Variants in SYNE2 observed in about 807,000 individuals in gnomAD.
SYNE2 encodes nesprin-2.
Under a neutral mutation model 856.3 loss-of-function variants are expected in SYNE2, and 431 were observed. That is an observed-to-expected ratio of 0.50 (90% confidence interval 0.47 to 0.55). The LOEUF (loss-of-function observed/expected upper bound fraction) is 0.55, where lower values mean the gene tolerates loss of function less well. Ranked by LOEUF, SYNE2 falls within the 20% of genes least tolerant of loss-of-function variation. The pLI is 0.00. For missense variants in SYNE2, 8,129 were observed against 8,023.2 expected, an observed-to-expected ratio of 1.01 and a Z score of -0.50; for synonymous variants, 2,923 against 2,872.3, an observed-to-expected ratio of 1.02 and a Z score of -0.56.
chr14:64,082,271 A>G (rs912922030), intron 57 of SYNE2, among the ~76,000 whole-genome samples: 1 of 152,158 alleles, frequency 6.6e-6, no homozygotes, highest in African/African-American at 2.4e-5. Flanking sequence ...TGATTAAGGT[A>G]ATGGGGTAGT....
At chr14:63,771,771 C>T (rs138947777) in intron 1 of SYNE2, among the ~76,000 whole-genome samples, 64 of 152,094 alleles carry the variant, frequency 4.2e-4, no homozygotes, top group African/African-American at 1.5e-3. Context: ...TGTGTGTGTG[C>T]CTGTAATTCC....
In SYNE2 at chr14:64,218,528, G is replaced by A; in HGVS notation, c.19657+16G>A. On this transcript the variant is annotated intron_variant, in intron 109 of 115. Coordinates refer to ENST00000555002, the MANE Select transcript of SYNE2 (RefSeq NM_182914.3). ...CAGCAGTCAGGTACTGCCTGTAACTGGCAGTCGTCCAGAGAGGCAGAGTAT... is the reference window on the plus strand; with the variant it reads ...CAGCAGTCAGGTACTGCCTGTAACTAGCAGTCGTCCAGAGAGGCAGAGTAT... 2 of 1,611,668 alleles carry A rather than the reference G, an allele frequency of 1.2e-6. No homozygotes were observed. The highest frequency in any genetic ancestry group is 8.5e-7 in the Non-Finnish European group (1 of 1,178,396).
intron 65 of SYNE2, 185 bp from the exon 66 acceptor site, chr14:64,113,156 A>G (rs1328773077): frequency 1.0e-6 from 1 of 985,222 alleles, no homozygotes; most frequent in Non-Finnish European, 1.2e-6. Context: ...GGCTGCTTGG[A>G]AACCTGTGGC....
intron 99 of SYNE2, among the ~76,000 whole-genome samples, chr14:64,201,555 G>T (rs1422785026): frequency 6.6e-6 from 1 of 152,192 alleles, no homozygotes; most frequent in Non-Finnish European, 1.5e-5. Context: ...TCAAGGGGCT[G>T]AACCGGTTTT....
At position 63,997,090 on chromosome 14, in the gene SYNE2, A is replaced by G. The variant is rs777756321; in HGVS notation, c.3084A>G (p.Arg1028=). ...AAGATTATGAACAAAAGATAGAAAG[A>G]CTTCTGAAATGTGCTTCCGAGATTC... ...LLKDYEQKIE[R]LLKCASEIHM... Residue 1028 remains arginine (R), a synonymous_variant, in exon 24 of 116, where the codon AGA becomes AGG. Transcript: ENST00000555002. 1.8e-5 allele frequency: 29 copies of G among 1,614,112 alleles called. No homozygotes were observed. The highest frequency in any genetic ancestry group is 2.4e-5 in the Non-Finnish European group (28 of 1,180,008).
Position 63,805,489 on chromosome 14 carries a change from C to T in SYNE2, c.-305+43503C>T, listed in dbSNP as rs1264041755. ...GCAAGCTCCGCCTCCCGGGTTCACG[C>T]CATTCTCCTGCCTCAGCCTCTCCGA... On this transcript the variant is annotated intron_variant, in intron 1 of 23. Coordinates refer to the SYNE2 transcript ENST00000674003. Among the ~76,000 whole-genome samples the T allele has an allele frequency of 1.3e-5, 2 of 152,206 alleles. 1 individual carries two copies. Among genetic ancestry groups the T allele is most frequent in the East Asian group, 3.8e-4 (2 of 5,202 alleles).
intron 1 of SYNE2, among the ~76,000 whole-genome samples, chr14:63,899,860 A>G (rs1193526191): frequency 2.0e-5 from 3 of 152,200 alleles, no homozygotes; most frequent in Non-Finnish European, 4.4e-5. Flanking sequence ...CTGATTAAGA[A>G]ATAGGATAAT....
In SYNE2 at chr14:63,940,615, T is replaced by G. The variant is rs760085291; in HGVS notation, c.81T>G (p.Ala27=). The G allele has an allele frequency of 6.2e-7, 1 of 1,614,134 alleles. No homozygotes were observed. Among genetic ancestry groups the G allele is most frequent in the South Asian group, 1.1e-5 (1 of 91,082 alleles). ...GIDDLHISLQ[A]EQEDTQKKAF... The stretch of plus-strand genomic sequence containing the variant: ...CTGCTGTTGTTCTTTCTTTGATAGC[T>G]GAACAGGAAGACACCCAGAAGAAAG... Residue 27 remains alanine (A), a splice_region_variant and synonymous_variant, in exon 3 of 116, where the codon GCT becomes GCG. Transcript: ENST00000555002.
chr14:63,776,604 T>C (rs576056047), intron 1 of SYNE2, among the ~76,000 whole-genome samples: 32 of 150,172 alleles, frequency 2.1e-4, no homozygotes, highest in East Asian at 1.4e-3. Flanking sequence ...TTCTTTCTTT[T>C]TTTTTTTTTT....
At chr14:64,170,605 C>T in intron 94 of SYNE2, 143 bp downstream of exon 94, 2 of 820,458 alleles carry the variant, frequency 2.4e-6, no homozygotes, top group Non-Finnish European at 4.0e-6. Flanking sequence ...GTGCAGTCAC[C>T]ACCCCCCACA....
chr14:64,123,451 C>T (rs143600826), intron 70 of SYNE2, among the ~76,000 whole-genome samples: 5 of 152,354 alleles, frequency 3.3e-5, no homozygotes, highest in South Asian at 2.1e-4. Flanking sequence ...TCCTCTTTCC[C>T]GCTAAGGACC....
At chr14:64,161,666 G>T in intron 87 of SYNE2, among the ~76,000 whole-genome samples, 1 of 150,008 alleles carries the variant, frequency 6.7e-6, no homozygotes, top group South Asian at 2.1e-4. Context: ...CAGGAGGATT[G>T]CTTGAGGTTG....
chr14:64,147,171 A>G (rs780044656), intron 84 of SYNE2, among the ~76,000 whole-genome samples: 1 of 151,688 alleles, frequency 6.6e-6, no homozygotes, highest in Non-Finnish European at 1.5e-5. Flanking sequence ...CGCTACATAC[A>G]GTTTCTCATT....
rs767644748 is a variant in SYNE2 at position 64,098,878 on chromosome 14, C to T, written c.12381+57C>T. On this transcript the variant is annotated intron_variant, in intron 63 of 115. Transcript: ENST00000555002. Reference sequence around the variant, plus strand: ...TTAGAACCAGATCTCTAAAAGAAGTCAATGAAAAGATCTTAAAGTGAATGG... The same window carrying T: ...TTAGAACCAGATCTCTAAAAGAAGTTAATGAAAAGATCTTAAAGTGAATGG... The T allele has an allele frequency of 5.2e-6, 8 of 1,535,450 alleles. No homozygotes were observed. In the African/African-American group the frequency reaches 9.5e-5, roughly 18 times the overall value.
At chr14:64,118,866 A>T (rs914489971) in intron 66 of SYNE2, among the ~76,000 whole-genome samples, 1 of 151,934 alleles carries the variant, frequency 6.6e-6, no homozygotes, top group African/African-American at 2.4e-5. Context: ...GTCTCAGAAA[A>T]AAAAAAAAAA....
Position 63,993,851 on chromosome 14 carries a change from C to T in SYNE2, c.2663C>T (p.Ser888Phe), listed in dbSNP as rs763645041. Reference protein sequence around the residue: ...ISKHKEALIISNTKSLAKYLK... With the variant: ...ISKHKEALIIFNTKSLAKYLK... Reference sequence around the variant, plus strand: ...TTTTTTTAGGAAGCACTAATAATTTCTAATACAAAAAGTCTGGCCAAGTAT... The same window carrying T: ...TTTTTTTAGGAAGCACTAATAATTTTTAATACAAAAAGTCTGGCCAAGTAT... The change falls in exon 22 of 116, where the codon TCT becomes TTT. Residue 888 changes from serine to phenylalanine, a missense_variant. By Grantham distance (155) the Ser-to-Phe change is radical. Coordinates refer to ENST00000555002, the MANE Select transcript of SYNE2 (RefSeq NM_182914.3). 56 of 1,592,816 alleles carry T rather than the reference C, an allele frequency of 3.5e-5. No individual in the cohort carries two copies. Among genetic ancestry groups the T allele is most frequent in the Non-Finnish European group, 4.4e-5 (51 of 1,169,148 alleles).
Position 64,214,213 on chromosome 14 carries a change from A to T in SYNE2, c.19076A>T (p.Glu6359Val). ...SCTPGLEDEK[E>V]ASENETDMED... ...GTTTAGGGCTTGGAAGATGAAAAGG[A>T]GGCCTCTGAGAATGAAACAGACATG... Residue 6359 changes from glutamate (E) to valine (V), a missense_variant, in exon 106 of 116, where the codon GAG becomes GTG. This residue lies in a region of SYNE2 where 5,410 missense variants were observed against 5,284.8 expected (regional missense o/e 1.02). Coordinates refer to ENST00000555002, the MANE Select transcript of SYNE2 (RefSeq NM_182914.3). 6.2e-7 allele frequency: 1 copy of T among 1,614,180 alleles called. No individual in the cohort carries two copies. The highest frequency in any genetic ancestry group is 8.5e-7 in the Non-Finnish European group (1 of 1,180,038).
At chr14:64,055,840 A>T (rs376572178) in intron 48 of SYNE2, 104 bp from the exon 49 acceptor site, 2 of 467,936 alleles carry the variant, frequency 4.3e-6, no homozygotes, top group Non-Finnish European at 7.4e-6. Flanking sequence ...AATAATAAAA[A>T]AAGACTCAGA....
At chr14:63,906,662 A>G (rs2095413435) in intron 1 of SYNE2, among the ~76,000 whole-genome samples, 1 of 152,030 alleles carries the variant, frequency 6.6e-6, no homozygotes, top group Non-Finnish European at 1.5e-5. Context: ...GTCATTTCTG[A>G]TTATACTGAT....
Sources: allele counts gnomAD v4.1 joint callset (sites outside exome capture counted in the v4.1 genomes callset), GRCh38; gene constraint gnomAD v4.1.1; regional missense constraint gnomAD v4.1.1; transcripts MANE v1.5; gene names NCBI Gene and HGNC (gene_info 2026-07-23, HGNC 2026-07-21).